GBE1: variants seen among roughly 807,000 people sequenced by gnomAD.
GBE1 encodes 1,4-alpha-glucan branching enzyme 1.
Under a neutral mutation model 88.8 loss-of-function variants are expected in GBE1, and 70 were observed. The ratio of observed to expected loss-of-function variants is 0.79; its 90% confidence interval spans 0.65 to 0.96. The LOEUF (loss-of-function observed/expected upper bound fraction) is 0.96, where lower values mean the gene tolerates loss of function less well. Among genes scored for constraint, GBE1 ranks in the 40% least tolerant of loss-of-function variants. GBE1 has a pLI of 0.00. For synonymous variants in GBE1, 284 were observed against 300.1 expected (o/e 0.95, Z 0.56); for missense variants, 872 against 871.0 (o/e 1.00, Z -0.01).
chr3:81,498,153 A>C (rs1334307404), intron 15 of GBE1, among the ~76,000 whole-genome samples: 1 of 152,084 alleles, frequency 6.6e-6, no homozygotes, highest in Non-Finnish European at 1.5e-5. Flanking sequence ...TGCTCTTTTC[A>C]ATGATTTTAT....
chr3:81,734,518 C>T (rs769728342), intron 1 of GBE1, among the ~76,000 whole-genome samples: 4 of 152,184 alleles, frequency 2.6e-5, no homozygotes, highest in Admixed American at 1.3e-4. Context: ...TATCATCCAA[C>T]ATCTGGCACG....
chr3:81,576,908 C>G (rs1393568540), intron 12 of GBE1, among the ~76,000 whole-genome samples: 1 of 151,998 alleles, frequency 6.6e-6, no homozygotes, highest in Non-Finnish European at 1.5e-5. Flanking sequence ...AGATTTCTTA[C>G]AAAAATTTCC....
At chr3:81,666,384 C>T (rs2107107053) in intron 3 of GBE1, among the ~76,000 whole-genome samples, 1 of 152,280 alleles carries the variant, frequency 6.6e-6, no homozygotes, top group Non-Finnish European at 1.5e-5. Flanking sequence ...CATTATGAAT[C>T]ATGTTGCATA....
intron 12 of GBE1, among the ~76,000 whole-genome samples, chr3:81,544,428 T>A (rs1004318773): frequency 6.6e-6 from 1 of 152,134 alleles, no homozygotes; most frequent in African/African-American, 2.4e-5. Context: ...TGTTCCTCGA[T>A]TCAAAATGAA....
rs375129092 is a variant in GBE1, at chr3:81,761,076, TAA to T, written c.143+297_143+298del. Among the ~76,000 whole-genome samples the T allele has an allele frequency of 5.7e-3, 861 of 152,282 alleles. 12 individuals are homozygous for T. Among genetic ancestry groups the T allele is most frequent in the African/African-American group, 0.019 (787 of 41,562 alleles). On this transcript the variant is annotated intron_variant, in intron 1 of 15. Transcript: ENST00000429644. ...CACTCCCCAGCAGCACTCTGGGGAATAAGTGTTGGAGCCACAGCACGTACCCT... is the reference window on the plus strand; with the variant it reads ...CACTCCCCAGCAGCACTCTGGGGAATGTGTTGGAGCCACAGCACGTACCCT...
chr3:81,595,627 T>C (rs1440073783), intron 7 of GBE1, among the ~76,000 whole-genome samples: 2 of 151,922 alleles, frequency 1.3e-5, no homozygotes, highest in Non-Finnish European at 2.9e-5. Flanking sequence ...TGCAATTCAG[T>C]GAAACACAGA....
At chr3:81,637,548 T>A (rs1238172658) in intron 7 of GBE1, among the ~76,000 whole-genome samples, 1 of 152,126 alleles carries the variant, frequency 6.6e-6, no homozygotes, top group Admixed American at 6.6e-5. Context: ...AATACCAAAT[T>A]GTTTTCAAAT....
chr3:81,747,428 C>T (rs908168128), intron 1 of GBE1, among the ~76,000 whole-genome samples: 3 of 152,168 alleles, frequency 2.0e-5, no homozygotes, highest in Non-Finnish European at 4.4e-5. Flanking sequence ...AGCCTGTCAT[C>T]CCAGCACTTT....
chr3:81,546,254 T>A (rs1703203701), intron 12 of GBE1, among the ~76,000 whole-genome samples: 1 of 150,912 alleles, frequency 6.6e-6, no homozygotes, highest in South Asian at 2.1e-4. Flanking sequence ...ACACACTAAC[T>A]CACACACACT....
intron 14 of GBE1, among the ~76,000 whole-genome samples, chr3:81,501,901 G>A (rs1220618146): frequency 1.3e-5 from 2 of 150,652 alleles, no homozygotes; most frequent in African/African-American, 2.4e-5. Context: ...GTTTCACCAT[G>A]TTGCCCAGGC....
At chr3:81,504,984 G>A (rs921507936) in intron 14 of GBE1, among the ~76,000 whole-genome samples, 1 of 152,092 alleles carries the variant, frequency 6.6e-6, no homozygotes, top group African/African-American at 2.4e-5. Context: ...GTGACTAGAC[G>A]ACTATAACGA....
At chr3:81,598,534 T>C (rs557323393) in intron 7 of GBE1, among the ~76,000 whole-genome samples, 1 of 152,054 alleles carries the variant, frequency 6.6e-6, no homozygotes, top group Admixed American at 6.5e-5. Flanking sequence ...TTAATCAATT[T>C]TAATTAAATT....
intron 14 of GBE1, among the ~76,000 whole-genome samples, chr3:81,527,199 C>A (rs558311769): frequency 3.3e-5 from 5 of 152,104 alleles, no homozygotes; most frequent in African/African-American, 4.8e-5. Context: ...CCCTTCCTTA[C>A]GCCTTATATT....
At chr3:81,619,943 T>C (rs1704302001) in intron 7 of GBE1, among the ~76,000 whole-genome samples, 1 of 152,034 alleles carries the variant, frequency 6.6e-6, no homozygotes, top group Non-Finnish European at 1.5e-5. Context: ...TTAAAAAACG[T>C]AGCATTAAAA....
intron 7 of GBE1, among the ~76,000 whole-genome samples, chr3:81,603,269 T>C (rs1304571860): frequency 2.6e-5 from 4 of 152,160 alleles, no homozygotes; most frequent in African/African-American, 9.7e-5. Flanking sequence ...TCAGGTACTC[T>C]GACTTGATGA....
At chr3:81,704,913 T>C (rs1028668623) in intron 2 of GBE1, among the ~76,000 whole-genome samples, 2 of 152,008 alleles carry the variant, frequency 1.3e-5, no homozygotes, top group African/African-American at 4.8e-5. Context: ...CAAATGACAA[T>C]GCTGACAAGA....
At chr3:81,564,675 G>C (rs1703467744) in intron 12 of GBE1, among the ~76,000 whole-genome samples, 1 of 152,120 alleles carries the variant, frequency 6.6e-6, no homozygotes, top group Non-Finnish European at 1.5e-5. Context: ...GGAAGGATCT[G>C]AGGTGAAATT....
intron 7 of GBE1, among the ~76,000 whole-genome samples, chr3:81,599,762 T>G (rs989036668): frequency 6.6e-6 from 1 of 152,286 alleles, no homozygotes; most frequent in Admixed American, 6.5e-5. Flanking sequence ...AAATTCTACC[T>G]TATCTATAAA....
intron 15 of GBE1, among the ~76,000 whole-genome samples, chr3:81,498,417 G>C (rs771102895): frequency 2.0e-4 from 31 of 152,172 alleles, no homozygotes; most frequent in Non-Finnish European, 4.0e-4. Context: ...ATGTGGTTTT[G>C]AACCTACTAT....
Sources: gnomAD v4.1 joint callset for allele counts (sites outside exome capture counted in the v4.1 genomes callset) on GRCh38, gnomAD v4.1.1 for gene constraint, MANE v1.5 for transcripts, NCBI Gene and HGNC (gene_info 2026-07-23, HGNC 2026-07-21) for gene names.